Variants in SLC39A11 observed in about 807,000 individuals in gnomAD.
SLC39A11 encodes the protein zinc transporter ZIP11.
A neutral mutation model predicts 36.1 loss-of-function variants in SLC39A11; 33 were observed. That is an observed-to-expected ratio of 0.91 (90% CI 0.69 to 1.22). SLC39A11 has a LOEUF of 1.22. Ranked by LOEUF, SLC39A11 falls within the 50% of genes most tolerant of loss-of-function variation. The pLI, the probability that SLC39A11 is intolerant of heterozygous loss-of-function variation, is 0.00. For synonymous variants in SLC39A11, 166 were observed against 170.3 expected, an observed-to-expected ratio of 0.97 and a Z score of 0.20; for missense variants, 432 against 430.3, an observed-to-expected ratio of 1.00 and a Z score of -0.03.
At chr17:72,754,043 TATACAC>T (rs1183602571) in intron 6 of SLC39A11, among the ~76,000 whole-genome samples, 70 of 47,724 alleles carry the variant, frequency 1.5e-3, no homozygotes, top group African/African-American at 3.8e-3. Context: ...TATATATATA[TATACAC>T]ATACACACAC....
intron 6 of SLC39A11, among the ~76,000 whole-genome samples, chr17:72,847,896 G>T (rs1480921355): frequency 6.6e-6 from 1 of 152,176 alleles, no homozygotes; most frequent in Non-Finnish European, 1.5e-5. Context: ...CTGTATTAGA[G>T]TAACAGATTG....
In SLC39A11 at chr17:72,755,225, G is replaced by A. The variant is rs148335364; in HGVS notation, c.602-18506C>T. Among the ~76,000 whole-genome samples, 355 of 152,358 alleles carry A rather than the reference G, an allele frequency of 2.3e-3. 4 individuals carry two copies. Among genetic ancestry groups the A allele is most frequent in the African/African-American group, 8.2e-3 (339 of 41,578 alleles). Reference sequence around the variant, plus strand: ...GAAATGAGGAAAGGTCTGTGAATTTGTCTGGAAATGAAGGAAACCTTTGCA... The same window carrying A: ...GAAATGAGGAAAGGTCTGTGAATTTATCTGGAAATGAAGGAAACCTTTGCA... On this transcript the variant is annotated intron_variant, in intron 6 of 9. Coordinates refer to ENST00000255559, the MANE Select transcript of SLC39A11 (RefSeq NM_139177.4).
intron 5 of SLC39A11, among the ~76,000 whole-genome samples, chr17:72,908,613 T>C (rs1210211864): frequency 6.6e-6 from 1 of 152,186 alleles, no homozygotes; most frequent in African/African-American, 2.4e-5. Flanking sequence ...AGGAGGATTC[T>C]GAGGAAGCGT....
At chr17:72,722,616 T>G (rs903826753) in intron 7 of SLC39A11, among the ~76,000 whole-genome samples, 3 of 151,782 alleles carry the variant, frequency 2.0e-5, no homozygotes, top group African/African-American at 7.3e-5. Flanking sequence ...CATGAACTAA[T>G]TTCTGGTGGT....
intron 6 of SLC39A11, among the ~76,000 whole-genome samples, chr17:72,808,040 T>C (rs573634494): frequency 1.3e-5 from 2 of 152,012 alleles, no homozygotes; most frequent in East Asian, 3.9e-4. Flanking sequence ...GAGAATTGGT[T>C]GTTACAGGAA....
chr17:72,834,159 C>T (rs534920237), intron 6 of SLC39A11, among the ~76,000 whole-genome samples: 2 of 152,068 alleles, frequency 1.3e-5, no homozygotes, highest in South Asian at 4.1e-4. Context: ...ATCATGGAAG[C>T]GTTCTACATC....
chr17:73,008,105 AAAAAAGAAAAAG>A (rs71154943), intron 4 of SLC39A11, among the ~76,000 whole-genome samples: 3,165 of 139,676 alleles, frequency 0.023, 99 homozygotes, highest in East Asian at 0.17. Flanking sequence ...TCAGTCTCAA[AAAAAAGAAAAAG>A]AAAAAGAAAA....
At chr17:73,005,765 G>A (rs1318380487) in intron 4 of SLC39A11, among the ~76,000 whole-genome samples, 3 of 152,116 alleles carry the variant, frequency 2.0e-5, no homozygotes, top group Non-Finnish European at 4.4e-5. Flanking sequence ...TGGCCAACAG[G>A]GTGAACCCAC....
At chr17:73,076,849 G>A (rs2060339679) in intron 3 of SLC39A11, among the ~76,000 whole-genome samples, 1 of 145,510 alleles carries the variant, frequency 6.9e-6, no homozygotes, top group Admixed American at 7.1e-5. Flanking sequence ...TCTACTCTCT[G>A]GCTGATACAA....
At position 72,878,412 on chromosome 17, in the gene SLC39A11, C is replaced by G. The variant is rs543248491; in HGVS notation, c.431-28608G>C. ...AGGAAAATAAACAAGGTCCCCAGCC[C>G]CAGGGGCCTTCTTGCTGTGAACACA... On this transcript the variant is annotated intron_variant, in intron 5 of 9. Transcript: ENST00000255559. Among the ~76,000 whole-genome samples, 18 of 152,272 alleles carry G rather than the reference C, an allele frequency of 1.2e-4. No homozygotes were observed. The South Asian group carries it at 3.7e-3, about 32-fold the overall frequency.
intron 3 of SLC39A11, chr17:73,072,638 C>T (rs1433000025): frequency 1.3e-5 from 2 of 152,238 alleles, no homozygotes; most frequent in Non-Finnish European, 2.9e-5. Context: ...CTTCCTTCCC[C>T]ACTTTGTGCC....
chr17:72,705,663 G>C (rs1473213199), intron 7 of SLC39A11, among the ~76,000 whole-genome samples: 2 of 152,220 alleles, frequency 1.3e-5, no homozygotes, highest in African/African-American at 4.8e-5. Context: ...GAAGGACCAA[G>C]AGTATGAAGG....
At chr17:73,014,432 G>C (rs1201085309) in intron 4 of SLC39A11, among the ~76,000 whole-genome samples, 1 of 152,202 alleles carries the variant, frequency 6.6e-6, no homozygotes, top group African/African-American at 2.4e-5. Context: ...CCAGGTGGAA[G>C]AACTGCTTGA....
chr17:72,878,023 T>C (rs527998916), intron 5 of SLC39A11, among the ~76,000 whole-genome samples: 7 of 127,900 alleles, frequency 5.5e-5, no homozygotes, highest in African/African-American at 1.2e-4. Flanking sequence ...CCTGGGTCCA[T>C]GTGTTCTCAT....
intron 3 of SLC39A11, among the ~76,000 whole-genome samples, chr17:73,080,955 A>C (rs543915030): frequency 6.8e-6 from 1 of 146,908 alleles, no homozygotes; most frequent in Admixed American, 6.8e-5. Context: ...AAAAAACAAT[A>C]AAATAAATAA....
At chr17:72,798,811 A>C (rs538639833) in intron 6 of SLC39A11, among the ~76,000 whole-genome samples, 2 of 152,216 alleles carry the variant, frequency 1.3e-5, no homozygotes, top group East Asian at 3.9e-4. Flanking sequence ...AAGGCTTCAC[A>C]ATATGAATGG....
chr17:73,025,529 C>G (rs1412290038), intron 4 of SLC39A11, among the ~76,000 whole-genome samples: 1 of 152,112 alleles, frequency 6.6e-6, no homozygotes, highest in Non-Finnish European at 1.5e-5. Flanking sequence ...AGCAAATGAA[C>G]TGGATGACAG....
At chr17:72,722,724 TC>T (rs148257599) in intron 7 of SLC39A11, among the ~76,000 whole-genome samples, 7,969 of 152,044 alleles carry the variant, frequency 0.052, 343 homozygotes, top group East Asian at 0.15. Flanking sequence ...AACCTCCGCC[TC>T]CCGGGTTCAA....
intron 5 of SLC39A11, among the ~76,000 whole-genome samples, chr17:72,927,563 T>C (rs1481390644): frequency 6.6e-6 from 1 of 152,164 alleles, no homozygotes; most frequent in Non-Finnish European, 1.5e-5. Context: ...ACCTGGAGTA[T>C]CTCAAATATT....
Sources: gnomAD v4.1 joint callset for allele counts (sites outside exome capture counted in the v4.1 genomes callset) on GRCh38, gnomAD v4.1.1 for gene constraint, MANE v1.5 for transcripts, NCBI Gene and HGNC (gene_info 2026-07-23, HGNC 2026-07-21) for gene names.